TCF4: variants seen among roughly 807,000 people sequenced by gnomAD.
TCF4 encodes the protein transcription factor 4.
TCF4 carries 3 observed loss-of-function variants against 82.1 expected under a neutral mutation model. The ratio of observed to expected loss-of-function variants is 0.04; its 90% CI spans 0.02 to 0.09. TCF4 has a LOEUF of 0.09. Among genes scored for constraint, TCF4 ranks in the 10% least tolerant of loss-of-function variants. The pLI is 1.00. For synonymous variants in TCF4, 276 were observed against 309.6 expected (o/e 0.89, Z 1.14); for missense variants, 518 against 852.7 (o/e 0.61, Z 4.89).
At chr18:55,473,889 A>G (rs927071897) in intron 3 of TCF4, among the ~76,000 whole-genome samples, 1 of 152,182 alleles carries the variant, frequency 6.6e-6, no homozygotes, top group African/African-American at 2.4e-5. Flanking sequence ...TACTGGCATA[A>G]TAAGGAGGCT....
chr18:55,496,368 C>A (rs2096635747), intron 3 of TCF4: 2 of 149,922 alleles, frequency 1.3e-5, no homozygotes, highest in African/African-American at 4.9e-5. Context: ...CTGTTCATTG[C>A]ATATTCAATA....
intron 3 of TCF4, among the ~76,000 whole-genome samples, chr18:55,529,009 C>T (rs1295225314): frequency 6.6e-6 from 1 of 152,134 alleles, no homozygotes; most frequent in East Asian, 1.9e-4. Flanking sequence ...GAAACCCCAT[C>T]TCCACTAAAT....
At chr18:55,611,126 C>T (rs764966225) in intron 2 of TCF4, among the ~76,000 whole-genome samples, 4 of 152,170 alleles carry the variant, frequency 2.6e-5, no homozygotes, top group African/African-American at 4.8e-5. Flanking sequence ...TCAAAAGCTG[C>T]GGCTGCTGCT....
At chr18:55,332,235 CT>C (rs1218392151) in intron 8 of TCF4, 1 of 152,000 alleles carries the variant, frequency 6.6e-6, no homozygotes, top group Non-Finnish European at 1.5e-5. Context: ...GAAACAGGTG[CT>C]TTCCATGTCA....
intron 15 of TCF4, among the ~76,000 whole-genome samples, chr18:55,247,649 T>C (rs1265748476): frequency 6.6e-6 from 1 of 152,154 alleles, no homozygotes; most frequent in Non-Finnish European, 1.5e-5. Context: ...AAAAGGTTCT[T>C]GTGGAGAAAA....
chr18:55,549,344 T>A (rs1267366325), intron 3 of TCF4, among the ~76,000 whole-genome samples: 2 of 151,700 alleles, frequency 1.3e-5, no homozygotes, highest in Admixed American at 6.6e-5. Flanking sequence ...AAAAAAAAAA[T>A]TGACCTTAGC....
At chr18:55,563,616 C>T (rs1056244774) in intron 3 of TCF4, among the ~76,000 whole-genome samples, 2 of 152,210 alleles carry the variant, frequency 1.3e-5, no homozygotes, top group African/African-American at 4.8e-5. Flanking sequence ...TTAGGCTGTG[C>T]CCTCCACAAG....
At chr18:55,245,556 TCAC>T (rs1056589755) in intron 15 of TCF4, among the ~76,000 whole-genome samples, 1 of 152,244 alleles carries the variant, frequency 6.6e-6, no homozygotes, top group Non-Finnish European at 1.5e-5. Context: ...GAGGGGCTTT[TCAC>T]CCAATGCAGC....
chr18:55,608,723 G>A (rs1273985527), intron 2 of TCF4, among the ~76,000 whole-genome samples: 1 of 152,130 alleles, frequency 6.6e-6, no homozygotes, highest in African/African-American at 2.4e-5. Context: ...AAGGGCAGGA[G>A]TCTATTTTAT....
At chr18:55,556,849 G>A (rs1207672308) in intron 3 of TCF4, among the ~76,000 whole-genome samples, 1 of 152,154 alleles carries the variant, frequency 6.6e-6, no homozygotes, top group Non-Finnish European at 1.5e-5. Flanking sequence ...TAAAACTTAA[G>A]AGAATTCTGT....
At chr18:55,397,508 T>C (rs2093570584) in intron 6 of TCF4, among the ~76,000 whole-genome samples, 1 of 152,176 alleles carries the variant, frequency 6.6e-6, no homozygotes, top group Non-Finnish European at 1.5e-5. Context: ...AACATAGCGA[T>C]ACCCCATCCC....
At chr18:55,230,869 C>G (rs1006104217) in intron 17 of TCF4, 1 of 152,172 alleles carries the variant, frequency 6.6e-6, no homozygotes, top group Non-Finnish European at 1.5e-5. Context: ...ATACGTTACA[C>G]ATAAAGATAA....
intron 8 of TCF4, among the ~76,000 whole-genome samples, chr18:55,304,594 A>G (rs2069563347): frequency 6.6e-6 from 1 of 152,164 alleles, no homozygotes; most frequent in Admixed American, 6.5e-5. Flanking sequence ...GACAACAACG[A>G]ACATATCACA....
chr18:55,480,296 A>AAAAGGG (rs1568175293), intron 3 of TCF4, among the ~76,000 whole-genome samples: 3 of 63,356 alleles, frequency 4.7e-5, no homozygotes, highest in African/African-American at 6.0e-5. Context: ...AAAAAAAAAA[A>AAAAGGG]GCGGGGGGGC....
chr18:55,465,423 T>G (rs1462059880), intron 3 of TCF4, among the ~76,000 whole-genome samples: 2 of 152,310 alleles, frequency 1.3e-5, no homozygotes, highest in Non-Finnish European at 2.9e-5. Flanking sequence ...TTCTCTTTTT[T>G]TTTTTAATGA....
At chr18:55,507,427 C>T (rs185387912) in intron 3 of TCF4, among the ~76,000 whole-genome samples, 1 of 152,028 alleles carries the variant, frequency 6.6e-6, no homozygotes, top group Non-Finnish European at 1.5e-5. Flanking sequence ...AAGGACAGTG[C>T]AGATTTCATC....
intron 3 of TCF4, among the ~76,000 whole-genome samples, chr18:55,496,842 A>T (rs910287251): frequency 1.3e-5 from 2 of 151,706 alleles, no homozygotes; most frequent in South Asian, 2.1e-4. Context: ...ACAGCAGTCT[A>T]CAATGGAATA....
intron 8 of TCF4, chr18:55,321,699 A>G (rs1466250826): frequency 6.5e-7 from 1 of 1,536,120 alleles, no homozygotes; most frequent in Non-Finnish European, 8.7e-7. Flanking sequence ...TACATCAAAG[A>G]GTTGCCGCCC....
intron 15 of TCF4, among the ~76,000 whole-genome samples, chr18:55,234,919 C>T (rs972571490): frequency 6.6e-6 from 1 of 152,186 alleles, no homozygotes; most frequent in African/African-American, 2.4e-5. Flanking sequence ...GTAGCTCAGG[C>T]AGGTAAAACG....
Sources: gnomAD v4.1 joint callset for allele counts (sites outside exome capture counted in the v4.1 genomes callset) on GRCh38, gnomAD v4.1.1 for gene constraint, MANE v1.5 for transcripts, NCBI Gene and HGNC (gene_info 2026-07-23, HGNC 2026-07-21) for gene names.